P2RX5: variants seen among roughly 807,000 people sequenced by gnomAD.
P2RX5 encodes the protein purinergic receptor P2X 5, also known as P2X purinoceptor 5.
P2RX5 carries 46 observed loss-of-function variants against 54.1 expected under a neutral mutation model. That is an observed-to-expected ratio of 0.85 (90% CI 0.67 to 1.09). The LOEUF is 1.09. Among genes scored for constraint, P2RX5 ranks in the 50% least tolerant of loss-of-function variants. The probability of loss-of-function intolerance (pLI) is 0.00; values close to 1 mark genes in which losing one functional copy is unlikely to be tolerated. For missense variants in P2RX5, 566 were observed against 549.8 expected (o/e 1.03, Z -0.29); for synonymous variants, 226 against 226.4 (o/e 1.00, Z 0.02).
the P2RX5 span, among the ~76,000 whole-genome samples, chr17:3,710,221 G>A: frequency 6.6e-6 from 1 of 151,938 alleles, no homozygotes; most frequent in African/African-American, 2.4e-5. Flanking sequence ...GAAGTCGGGA[G>A]TTCAAGACCA....
the P2RX5 span, chr17:3,715,011 C>T: frequency 1.2e-6 from 1 of 867,154 alleles, no homozygotes; most frequent in Non-Finnish European, 1.9e-6. Flanking sequence ...AACCGGCATT[C>T]TGGCTGTTGC....
At chr17:3,696,589 G>A (rs1247156128), upstream of P2RX5, among the ~76,000 whole-genome samples, 1 of 152,084 alleles carries the variant, frequency 6.6e-6, no homozygotes, top group Non-Finnish European at 1.5e-5. Context: ...CAAGTAGCTG[G>A]GACTACAGGC....
At chr17:3,720,872 C>T in the P2RX5 span, among the ~76,000 whole-genome samples, 4 of 152,116 alleles carry the variant, frequency 2.6e-5, no homozygotes, top group Admixed American at 6.6e-5. Flanking sequence ...CGTGAGCTGC[C>T]GCGCCTGGCC....
At chr17:3,699,878 G>GAAAGAAAGAAAGA (rs1567744305), upstream of P2RX5, among the ~76,000 whole-genome samples, 40 of 33,156 alleles carry the variant, frequency 1.2e-3, no homozygotes, top group Non-Finnish European at 1.6e-3. Context: ...AGAAAGAAAG[G>GAAAGAAAGAAAGA]AAGGAAGGAA....
At chr17:3,707,151 CGGTT>C in the P2RX5 span, among the ~76,000 whole-genome samples, 22 of 152,062 alleles carry the variant, frequency 1.4e-4, no homozygotes, top group South Asian at 4.2e-4. Flanking sequence ...AGCTGATAGA[CGGTT>C]GGGAAAACGG....
At chr17:3,708,222 G>A in the P2RX5 span, among the ~76,000 whole-genome samples, 1 of 152,132 alleles carries the variant, frequency 6.6e-6, no homozygotes, top group Admixed American at 6.6e-5. Flanking sequence ...GATGACGGCT[G>A]CTTCCTAATG....
intron 11 of P2RX5, among the ~76,000 whole-genome samples, chr17:3,675,033 G>A (rs1284963470): frequency 6.6e-6 from 1 of 152,164 alleles, no homozygotes; most frequent in East Asian, 1.9e-4. Context: ...ATGACTAACT[G>A]TAGGAAGACA....
upstream of P2RX5, among the ~76,000 whole-genome samples, chr17:3,698,827 C>T (rs574162890): frequency 7.9e-5 from 12 of 152,120 alleles, no homozygotes; most frequent in Admixed American, 2.6e-4. Context: ...CCCATCCTTA[C>T]GGGGTCCCTT....
At chr17:3,707,786 C>T in the P2RX5 span, among the ~76,000 whole-genome samples, 29 of 151,970 alleles carry the variant, frequency 1.9e-4, no homozygotes, top group African/African-American at 2.7e-4. Flanking sequence ...CGGCCAGACG[C>T]GGTGGCTCAC....
intron 6 of P2RX5, 91 bp from the exon 7 acceptor site, chr17:3,689,721 G>C: frequency 1.3e-6 from 2 of 1,537,570 alleles, no homozygotes; most frequent in Admixed American, 3.3e-5. Flanking sequence ...ACCAACCTGA[G>C]TGCTGACAGC....
intron 1 of P2RX5, among the ~76,000 whole-genome samples, chr17:3,695,012 C>G (rs972697833): frequency 4.6e-5 from 7 of 152,212 alleles, no homozygotes; most frequent in African/African-American, 1.7e-4. Flanking sequence ...GGGGATGCAG[C>G]TCAGAGAACG....
intron 8 of P2RX5, 71 bp from the exon 9 acceptor site, chr17:3,688,176 C>T (rs2050503201): frequency 6.0e-6 from 5 of 838,008 alleles, no homozygotes; most frequent in South Asian, 5.7e-5. Context: ...ACTGATGTGG[C>T]TGCTCTGGGG....
upstream of P2RX5, among the ~76,000 whole-genome samples, chr17:3,699,874 A>AAGG (rs2050803983): frequency 2.3e-4 from 10 of 42,774 alleles, no homozygotes; most frequent in Admixed American, 5.2e-4. Flanking sequence ...AGAAAGAAAG[A>AAGG]AAGGAAGGAA....
At chr17:3,683,320 C>A (rs1233402774) in intron 9 of P2RX5, among the ~76,000 whole-genome samples, 1 of 152,188 alleles carries the variant, frequency 6.6e-6, no homozygotes, top group Non-Finnish European at 1.5e-5. Flanking sequence ...CTTACCAATT[C>A]GCTGCTCCCC....
Position 3,689,911 on chromosome 17 carries a change from CAG to C in P2RX5, c.614+157_614+158del, listed in dbSNP as rs746559863. 3.3e-5 allele frequency among the ~76,000 whole-genome samples: 5 copies of C among 152,180 alleles called. No individual in the cohort carries two copies. The East Asian group carries it at 7.7e-4, about 24-fold the overall frequency. On this transcript the variant is annotated intron_variant, in intron 6 of 11. Coordinates refer to ENST00000225328, the MANE Select transcript of P2RX5 (RefSeq NM_002561.4). ...ACACAAACGCACGCACACATGCACA[CAG>C]ACACATGCACGCGCACACACGCACA...
upstream of P2RX5, among the ~76,000 whole-genome samples, chr17:3,696,933 G>T (rs1013850127): frequency 1.5e-4 from 23 of 152,040 alleles, no homozygotes; most frequent in Admixed American, 3.9e-4. Flanking sequence ...GGTGGTTGTG[G>T]GGGGGAAGCC....
chr17:3,695,070 CCAGGAGGAAG>C (rs1398790574), intron 1 of P2RX5, among the ~76,000 whole-genome samples: 4 of 152,176 alleles, frequency 2.6e-5, no homozygotes, highest in Non-Finnish European at 2.9e-5. Flanking sequence ...GGCTGCCCTC[CCAGGAGGAAG>C]CAGGAGGAAC....
At chr17:3,709,306 G>A in the P2RX5 span, among the ~76,000 whole-genome samples, 1 of 152,122 alleles carries the variant, frequency 6.6e-6, no homozygotes, top group African/African-American at 2.4e-5. Context: ...GCAAGGTTGC[G>A]ACAAAGGCAA....
chr17:3,694,254 A>G (rs1271655522), intron 1 of P2RX5, among the ~76,000 whole-genome samples: 1 of 149,886 alleles, frequency 6.7e-6, no homozygotes, highest in Non-Finnish European at 1.5e-5. Context: ...AAGGCCGCAT[A>G]CTATACAATT....
Sources: allele counts gnomAD v4.1 joint callset (sites outside exome capture counted in the v4.1 genomes callset), GRCh38; gene constraint gnomAD v4.1.1; transcripts MANE v1.5; gene names NCBI Gene and HGNC (gene_info 2026-07-23, HGNC 2026-07-21).